Variants in CBFA2T3 observed in about 807,000 individuals in gnomAD.
The protein encoded by CBFA2T3 is CBFA2/RUNX1 partner transcriptional co-repressor 3.
CBFA2T3 carries 31 observed loss-of-function variants against 58.6 expected under a neutral mutation model. The ratio of observed to expected loss-of-function variants is 0.53; its 90% CI spans 0.40 to 0.71. The LOEUF is 0.71. CBFA2T3 is among the 30% of genes least tolerant of loss of function. The probability of loss-of-function intolerance (pLI) is 0.00; values close to 1 mark genes in which losing one functional copy is unlikely to be tolerated. For synonymous variants in CBFA2T3, 531 were observed against 421.9 expected (o/e 1.26, Z -3.17); for missense variants, 1,076 against 963.1 (o/e 1.12, Z -1.55).
intron 1 of CBFA2T3, among the ~76,000 whole-genome samples, chr16:88,972,417 G>C (rs1483082054): frequency 6.6e-6 from 1 of 152,112 alleles, no homozygotes; most frequent in African/African-American, 2.4e-5. Context: ...TCTATTACTA[G>C]CTCATCCATT....
intron 1 of CBFA2T3, among the ~76,000 whole-genome samples, chr16:88,960,368 G>A: frequency 6.6e-6 from 1 of 152,242 alleles, no homozygotes; most frequent in East Asian, 1.9e-4. Context: ...GAGGCTGTTT[G>A]AAGATAGCAG....
At chr16:88,919,212 G>T (rs7190075) in intron 1 of CBFA2T3, among the ~76,000 whole-genome samples, 13,026 of 151,494 alleles carry the variant, frequency 0.086, 1,301 homozygotes, top group African/African-American at 0.24. Context: ...TCTAAGTTGC[G>T]AGCCAATCGG....
chr16:88,905,039 G>A (rs1026425019), intron 1 of CBFA2T3, among the ~76,000 whole-genome samples: 1 of 152,120 alleles, frequency 6.6e-6, no homozygotes, highest in Non-Finnish European at 1.5e-5. Context: ...GAGAAGATGA[G>A]GGGTGAGTGT....
chr16:88,932,469 A>G, intron 1 of CBFA2T3, among the ~76,000 whole-genome samples: 1 of 150,534 alleles, frequency 6.6e-6, no homozygotes, highest in East Asian at 2.0e-4. Context: ...CCCCATCTCT[A>G]CCAAAAAAAT....
At chr16:88,900,243 G>C (rs1304728340) in intron 2 of CBFA2T3, among the ~76,000 whole-genome samples, 1 of 152,262 alleles carries the variant, frequency 6.6e-6, no homozygotes, top group Non-Finnish European at 1.5e-5. Flanking sequence ...CTGCCTCTGG[G>C]CGGCACACCT....
At chr16:88,971,855 C>T (rs1230596497) in intron 1 of CBFA2T3, among the ~76,000 whole-genome samples, 4 of 152,252 alleles carry the variant, frequency 2.6e-5, no homozygotes, top group East Asian at 1.9e-4. Flanking sequence ...TGCGCCTCCC[C>T]GGTCAACTGC....
chr16:88,909,175 A>G lies in CBFA2T3; in HGVS notation c.152-7519T>C, dbSNP rs1056873342. 1.2e-4 allele frequency among the ~76,000 whole-genome samples: 19 copies of G among 152,336 alleles called. 1 individual carries two copies. In the East Asian group the frequency reaches 3.1e-3, roughly 25 times the overall value. ...CCCCAAAGTCCAGCCTCAGAGGCCC[A>G]GCAAGGCCTCTTGCAAAGCCTTTTC... On this transcript the variant is annotated intron_variant, in intron 1 of 11. Transcript: ENST00000268679.
chr16:88,886,347 C>T (rs895577323), intron 5 of CBFA2T3: 14 of 426,662 alleles, frequency 3.3e-5, no homozygotes, highest in South Asian at 6.3e-5. Context: ...CACAGAGCTT[C>T]GCAGGAGTGC....
At chr16:88,956,607 A>G (rs2142853559) in intron 1 of CBFA2T3, among the ~76,000 whole-genome samples, 1 of 152,328 alleles carries the variant, frequency 6.6e-6, no homozygotes, top group Non-Finnish European at 1.5e-5. Flanking sequence ...ACCGTGGCAG[A>G]GGGAGGCGAG....
At chr16:88,966,484 A>G (rs1230212808) in intron 1 of CBFA2T3, among the ~76,000 whole-genome samples, 2 of 119,872 alleles carry the variant, frequency 1.7e-5, no homozygotes, top group African/African-American at 9.8e-5. Context: ...TGGGGTGACC[A>G]CCAAACCCAT....
At chr16:88,925,662 G>A (rs951643843) in intron 1 of CBFA2T3, among the ~76,000 whole-genome samples, 10 of 152,206 alleles carry the variant, frequency 6.6e-5, no homozygotes, top group African/African-American at 2.4e-4. Context: ...AGGGCACCAG[G>A]GTAACCGGAG....
At chr16:88,908,159 T>A (rs1290548103) in intron 1 of CBFA2T3, among the ~76,000 whole-genome samples, 1 of 152,030 alleles carries the variant, frequency 6.6e-6, no homozygotes, top group African/African-American at 2.4e-5. Context: ...CTGGCCAACA[T>A]GGTGAAACCC....
At chr16:88,949,452 G>A (rs1487903307) in intron 1 of CBFA2T3, among the ~76,000 whole-genome samples, 2 of 152,000 alleles carry the variant, frequency 1.3e-5, no homozygotes, top group East Asian at 1.9e-4. Context: ...CCAGCTATTC[G>A]GGAGGCTGAA....
chr16:88,930,617 G>A (rs1173775324), intron 1 of CBFA2T3, among the ~76,000 whole-genome samples: 3 of 150,346 alleles, frequency 2.0e-5, no homozygotes, highest in Non-Finnish European at 2.9e-5. Context: ...CTTCATCCGC[G>A]GTGTCCAGAA....
chr16:88,898,279 A>T (rs1246037772), intron 2 of CBFA2T3, 127 bp from the exon 3 acceptor site: 1 of 723,508 alleles, frequency 1.4e-6, no homozygotes, highest in Non-Finnish European at 2.4e-6. Context: ...TGGGCAGGAG[A>T]CTGCCCTCAG....
intron 1 of CBFA2T3, among the ~76,000 whole-genome samples, chr16:88,909,222 G>A (rs959214790): frequency 6.6e-6 from 1 of 152,234 alleles, no homozygotes; most frequent in African/African-American, 2.4e-5. Flanking sequence ...TGCAGGCAGG[G>A]CTCGGAGATG....
chr16:88,891,380 C>T (rs1185295568), intron 5 of CBFA2T3, among the ~76,000 whole-genome samples: 7 of 152,198 alleles, frequency 4.6e-5, no homozygotes, highest in Admixed American at 1.3e-4. Context: ...AAAGGACTTT[C>T]GGAATACTTC....
intron 1 of CBFA2T3, among the ~76,000 whole-genome samples, chr16:88,974,848 C>T (rs1326377703): frequency 6.6e-6 from 1 of 152,110 alleles, no homozygotes; most frequent in Non-Finnish European, 1.5e-5. Flanking sequence ...CCACATCTGT[C>T]CCCTGGGGGC....
Position 88,915,021 on chromosome 16 carries a change from G to A in CBFA2T3, c.152-13365C>T, listed in dbSNP as rs988014968. 1.3e-4 allele frequency among the ~76,000 whole-genome samples: 19 copies of A among 151,346 alleles called. No homozygotes were observed. In the East Asian group the frequency reaches 1.4e-3, roughly 11 times the overall value. ...CTGCCAGCCGGGGGCAGGGGTGGAG[G>A]GAGGAAGGGGCGCTGTCCTTACCCA... On this transcript the variant is annotated intron_variant, in intron 1 of 11. Transcript: ENST00000268679.
Sources: allele counts gnomAD v4.1 joint callset (sites outside exome capture counted in the v4.1 genomes callset), GRCh38; gene constraint gnomAD v4.1.1; transcripts MANE v1.5; gene names NCBI Gene and HGNC (gene_info 2026-07-23, HGNC 2026-07-21).